PACRG: variants seen among roughly 807,000 people sequenced by gnomAD.
PACRG encodes parkin coregulated.
A neutral mutation model predicts 29.7 loss-of-function variants in PACRG; 29 were observed. That is an observed-to-expected ratio of 0.98 (90% confidence interval 0.73 to 1.33). PACRG has a LOEUF of 1.33. Among genes scored for constraint, PACRG ranks in the 40% most tolerant of loss-of-function variants. PACRG has a pLI of 0.00. For missense variants in PACRG, 279 were observed against 316.2 expected, an observed-to-expected ratio of 0.88 and a Z score of 0.89; for synonymous variants, 116 against 118.7, an observed-to-expected ratio of 0.98 and a Z score of 0.15.
intron 4 of PACRG, among the ~76,000 whole-genome samples, chr6:163,195,459 T>A (rs370367974): frequency 2.0e-5 from 3 of 152,262 alleles, no homozygotes; most frequent in East Asian, 3.9e-4. Context: ...AGGCGTCCAA[T>A]GGAGAGGAGT....
intron 1 of PACRG, among the ~76,000 whole-genome samples, chr6:162,781,572 G>A (rs1375170827): frequency 6.6e-6 from 1 of 151,546 alleles, no homozygotes; most frequent in African/African-American, 2.4e-5. Flanking sequence ...AATGTAATAA[G>A]GTTCATAACA....
At chr6:162,774,977 CG>C (rs1562584228) in intron 1 of PACRG, among the ~76,000 whole-genome samples, 1 of 152,122 alleles carries the variant, frequency 6.6e-6, no homozygotes, top group East Asian at 1.9e-4. Flanking sequence ...GTTTACCCAA[CG>C]ATGGCCTCAG....
At chr6:163,273,001 C>T (rs1447342866) in intron 4 of PACRG, among the ~76,000 whole-genome samples, 12 of 141,204 alleles carry the variant, frequency 8.5e-5, no homozygotes, top group Admixed American at 8.3e-4. Flanking sequence ...ACGCCATTCT[C>T]CTGCCTCAGC....
rs142852527 is a variant in PACRG, at chr6:162,853,656, C to T, written c.291+39375C>T. On this transcript the variant is annotated intron_variant, in intron 2 of 4. Coordinates refer to ENST00000366888, the MANE Select transcript of PACRG (RefSeq NM_001080379.2). This position sits in a 1 kb window ranked among gnomAD's most constrained non-coding sequence, Gnocchi z 4.7. Reference sequence around the variant, plus strand: ...ATCACAAAGGCGGAAACAACACACACTGAACTTAGCATCTGGGGGATGTAA... The same window carrying T: ...ATCACAAAGGCGGAAACAACACACATTGAACTTAGCATCTGGGGGATGTAA... Among the ~76,000 whole-genome samples, 308 of 152,338 alleles carry T rather than the reference C, an allele frequency of 2.0e-3. 1 individual carries two copies. Among genetic ancestry groups the T allele is most frequent in the African/African-American group, 7.0e-3 (291 of 41,578 alleles).
intron 4 of PACRG, among the ~76,000 whole-genome samples, chr6:163,308,570 G>A (rs1785278921): frequency 2.0e-5 from 3 of 151,650 alleles, no homozygotes; most frequent in Non-Finnish European, 2.9e-5. Context: ...GGAGGCTGAG[G>A]CAGGAGAATC....
At chr6:162,876,684 C>A (rs2128004245) in intron 2 of PACRG, among the ~76,000 whole-genome samples, 1 of 152,252 alleles carries the variant, frequency 6.6e-6, no homozygotes, top group South Asian at 2.1e-4. Flanking sequence ...ATGATAGTTT[C>A]TTTTGCTGTG....
intron 2 of PACRG, among the ~76,000 whole-genome samples, chr6:162,978,670 A>G (rs114470239): frequency 0.011 from 1,648 of 152,090 alleles, 41 homozygotes; most frequent in African/African-American, 0.038. Context: ...TCTAAAAAAA[A>G]CTGTAGAAAC....
At chr6:163,006,124 A>G (rs1805076716) in intron 2 of PACRG, among the ~76,000 whole-genome samples, 1 of 143,496 alleles carries the variant, frequency 7.0e-6, no homozygotes, top group Admixed American at 7.2e-5. Context: ...AACAAAACCC[A>G]TATATATTAT....
intron 4 of PACRG, among the ~76,000 whole-genome samples, chr6:163,178,901 G>T (rs1779515151): frequency 6.6e-6 from 1 of 152,104 alleles, no homozygotes; most frequent in African/African-American, 2.4e-5. Flanking sequence ...AAGCACTCAG[G>T]TAATATAAGT....
chr6:163,123,775 C>T (rs1039492536), intron 4 of PACRG, among the ~76,000 whole-genome samples: 1 of 152,198 alleles, frequency 6.6e-6, no homozygotes, highest in African/African-American at 2.4e-5. Context: ...CTGACTATTT[C>T]ACCTAGCATA....
chr6:162,850,483 C>T (rs560440977), intron 2 of PACRG, among the ~76,000 whole-genome samples: 2 of 152,266 alleles, frequency 1.3e-5, no homozygotes, highest in South Asian at 4.1e-4. Flanking sequence ...GAACTTTCAG[C>T]CCTACCCCTG....
At chr6:162,905,923 G>A (rs1190667497) in intron 2 of PACRG, among the ~76,000 whole-genome samples, 1 of 152,164 alleles carries the variant, frequency 6.6e-6, no homozygotes, top group Non-Finnish European at 1.5e-5. Flanking sequence ...AGAACCCGTG[G>A]TCTCCCTAAC....
intron 4 of PACRG, among the ~76,000 whole-genome samples, chr6:163,271,341 AACAATACT>A (rs1783826837): frequency 2.6e-5 from 4 of 152,072 alleles, no homozygotes; most frequent in South Asian, 2.1e-4. Flanking sequence ...ACACACCAGG[AACAATACT>A]TTGCATCCTT....
intron 2 of PACRG, among the ~76,000 whole-genome samples, chr6:163,002,742 A>C (rs1342321945): frequency 1.3e-5 from 2 of 152,170 alleles, no homozygotes; most frequent in Admixed American, 1.3e-4. Context: ...AGAGACTAGA[A>C]ATGGCTACTT....
intron 2 of PACRG, among the ~76,000 whole-genome samples, chr6:162,970,147 G>T (rs1014370678): frequency 6.6e-6 from 1 of 152,158 alleles, no homozygotes; most frequent in Non-Finnish European, 1.5e-5. Flanking sequence ...GGTGAAATGG[G>T]CCTCGGTTTC....
chr6:163,069,586 AG>A (rs974187851), intron 3 of PACRG, among the ~76,000 whole-genome samples: 1 of 152,158 alleles, frequency 6.6e-6, no homozygotes, highest in Non-Finnish European at 1.5e-5. Flanking sequence ...CTTGAAGACA[AG>A]CTATTGGAAA....
At chr6:163,032,143 G>A (rs1807727165) in intron 2 of PACRG, among the ~76,000 whole-genome samples, 1 of 152,192 alleles carries the variant, frequency 6.6e-6, no homozygotes, top group Non-Finnish European at 1.5e-5. Flanking sequence ...TTGTTTACAG[G>A]AGTATAGTTT....
rs577663641 is a variant in PACRG, at chr6:163,007,500, C to T, written c.292-54650C>T. On this transcript the variant is annotated intron_variant, in intron 2 of 4. Coordinates refer to ENST00000366888, the MANE Select transcript of PACRG (RefSeq NM_001080379.2). ...ATGTATGAAATGTCTTTATTTTGTGCTCCCTTTTGAAAGTGAGACACCCTA... is the reference window on the plus strand; with the variant it reads ...ATGTATGAAATGTCTTTATTTTGTGTTCCCTTTTGAAAGTGAGACACCCTA... Among the ~76,000 whole-genome samples, 6 of 152,196 alleles carry T rather than the reference C, an allele frequency of 3.9e-5. No individual in the cohort carries two copies. The East Asian group carries it at 1.2e-3, about 29-fold the overall frequency.
chr6:162,908,142 C>T (rs912269796), intron 2 of PACRG, among the ~76,000 whole-genome samples: 63 of 152,178 alleles, frequency 4.1e-4, no homozygotes, highest in African/African-American at 1.5e-3. Flanking sequence ...TACATAAAGT[C>T]ATATACCAAT....
Sources: gnomAD v4.1 joint callset for allele counts (sites outside exome capture counted in the v4.1 genomes callset) on GRCh38, gnomAD v4.1.1 for gene constraint, Gnocchi (gnomAD v3.1) non-coding constraint, MANE v1.5 for transcripts, NCBI Gene and HGNC (gene_info 2026-07-23, HGNC 2026-07-21) for gene names.